The following OLFML2A variants were observed in gnomAD, a reference collection of about 807,000 sequenced individuals.
OLFML2A encodes olfactomedin like 2A.
Under a neutral mutation model 60.9 loss-of-function variants are expected in OLFML2A, and 47 were observed. The observed-to-expected ratio is 0.77, with a 90% confidence interval of 0.61 to 0.98. The LOEUF is 0.98. Ranked by LOEUF, OLFML2A falls within the 50% of genes least tolerant of loss-of-function variation. OLFML2A has a pLI of 0.00. For missense variants in OLFML2A, 922 were observed against 879.8 expected, an observed-to-expected ratio of 1.05 and a Z score of -0.61; for synonymous variants, 372 against 375.0, an observed-to-expected ratio of 0.99 and a Z score of 0.09.
Position 124,799,339 on chromosome 9 carries a change from C to T in OLFML2A, c.517C>T (p.His173Tyr), listed in dbSNP as rs761089961. The T allele has an allele frequency of 6.8e-6, 11 of 1,613,678 alleles. No individual in the cohort carries two copies. In the Admixed American group the frequency reaches 1.7e-4, roughly 24 times the overall value. ...TGAGGTGGTGAAGGACAGCGTGCGC[C>T]ACCTCAGTGAGCAGTTGAGGCACTA... ...ENEVVKDSVR[H>Y]LSEQLRHYEN... Residue 173 changes from histidine to tyrosine, a missense_variant, in exon 4 of 8, where the codon CAC (histidine) becomes TAC (tyrosine). Transcript: ENST00000373580.
chr9:124,807,806 C>G lies in OLFML2A; in HGVS notation c.1194C>G (p.Thr398=), dbSNP rs1268774381. The stretch of plus-strand genomic sequence containing the variant: ...GCAGAGAGGCGAGCTGTGAGGGCAC[C>G]CTCCGGGCTGTGGACCCCCCTGTGA... ...SQGREASCEG[T]LRAVDPPVRH... is the part of the protein sequence containing the mutation. Residue 398 remains threonine (T), a synonymous_variant, in exon 7 of 8, where the codon ACC becomes ACG. Transcript: ENST00000373580. 3 of 1,612,998 alleles carry G rather than the reference C, an allele frequency of 1.9e-6. No individual in the cohort carries two copies. In the Admixed American group the frequency reaches 5.0e-5, roughly 27 times the overall value.
chr9:124,807,850 G>T lies in OLFML2A; in HGVS notation c.1238G>T (p.Arg413Leu). Residue 413 changes from arginine to leucine, a missense_variant, in exon 7 of 8, where the codon CGC becomes CTC. Coordinates refer to ENST00000373580, the MANE Select transcript of OLFML2A (RefSeq NM_182487.4). ...CCTGTGAGGCACCACAGCTATGGGCGCCACGAGGGAGCCTGGATGAAGGAC... is the reference window on the plus strand; with the variant it reads ...CCTGTGAGGCACCACAGCTATGGGCTCCACGAGGGAGCCTGGATGAAGGAC... ...DPPVRHHSYGRHEGAWMKDPA... is the reference protein window; with the variant it reads ...DPPVRHHSYGLHEGAWMKDPA... 6.2e-7 allele frequency: 1 copy of T among 1,614,046 alleles called. No homozygotes were observed. The highest frequency in any genetic ancestry group is 1.1e-5 in the South Asian group (1 of 91,082).
Position 124,799,148 on chromosome 9 carries a change from T to C in OLFML2A, c.463-137T>C. On this transcript the variant is annotated intron_variant, in intron 3 of 7. Transcript: ENST00000373580. The stretch of plus-strand genomic sequence containing the variant: ...TCTTGGAGCCTATTTTTCCTGCTCA[T>C]GCTCACTGCGGCCGCCCCTAGCCCG... 6.5e-6 allele frequency: 4 copies of C among 615,898 alleles called. 1 individual carries two copies. The highest frequency in any genetic ancestry group is 3.0e-5 in the Admixed American group (1 of 33,774). 38.2% of individuals were successfully genotyped at this position (615,898 alleles called of 1,614,324 possible).
At position 124,814,510 on chromosome 9, in the gene OLFML2A, C is replaced by G. The variant is rs1842080782; in HGVS notation, c.*4098C>G. 6.6e-6 allele frequency: 1 copy of G among 152,208 alleles called. No homozygotes were observed. Among genetic ancestry groups the G allele is most frequent in the Admixed American group, 6.5e-5 (1 of 15,280 alleles). The allele number at this position is 152,208 out of a possible 1,614,324, so 9.4% of individuals were successfully genotyped here. On this transcript the variant is annotated 3_prime_UTR_variant, in exon 8 of 8. Coordinates refer to ENST00000373580, the MANE Select transcript of OLFML2A (RefSeq NM_182487.4). Reference sequence around the variant, plus strand: ...ATTCCTCCCCATTACAGGTGATGAGCCTCAAATTCAGAGAGCTTAAGCAAC... The same window carrying G: ...ATTCCTCCCCATTACAGGTGATGAGGCTCAAATTCAGAGAGCTTAAGCAAC...
chr9:124,778,360 C>CAAA lies in OLFML2A; in HGVS notation c.90+1009_90+1011dup, dbSNP rs988215469. Among the ~76,000 whole-genome samples, 91 of 115,770 alleles carry CAAA rather than the reference C, an allele frequency of 7.9e-4. 1 individual carries two copies. The highest frequency in any genetic ancestry group is 1.5e-3 in the Non-Finnish European group (80 of 55,022). The allele number at this position is 115,770 out of a possible 152,430, so 75.9% of individuals were successfully genotyped here. On this transcript the variant is annotated intron_variant, in intron 1 of 7. Coordinates refer to ENST00000373580, the MANE Select transcript of OLFML2A (RefSeq NM_182487.4). ...TGGGCGACAGAGCGAGACTCCGTGT[C>CAAA]AAAAAAAAAAAGAAAAAAAAAAAAT...
At chr9:124,802,655 G>A (rs767363728) in intron 5 of OLFML2A, among the ~76,000 whole-genome samples, 6 of 152,240 alleles carry the variant, frequency 3.9e-5, no homozygotes, top group Non-Finnish European at 7.3e-5. Context: ...CAGGCACCCT[G>A]CCCTGGCAGG....
intron 3 of OLFML2A, among the ~76,000 whole-genome samples, chr9:124,796,467 C>T (rs978334901): frequency 6.6e-6 from 1 of 152,202 alleles, no homozygotes; most frequent in African/African-American, 2.4e-5. Context: ...CTGGAACCAA[C>T]CAGAGATGGT....
chr9:124,808,024 C>T (rs1226558940), intron 7 of OLFML2A, 58 bp downstream of exon 7: 1 of 1,332,850 alleles, frequency 7.5e-7, no homozygotes, highest in Non-Finnish European at 1.1e-6. Flanking sequence ...GGGAGGGGTC[C>T]TCATGGGGAC....
At chr9:124,783,694 T>C (rs1199073460) in intron 1 of OLFML2A, among the ~76,000 whole-genome samples, 1 of 152,146 alleles carries the variant, frequency 6.6e-6, no homozygotes, top group African/African-American at 2.4e-5. Context: ...GTCTACAAAA[T>C]GCAGGCTCAT....
chr9:124,799,067 T>C (rs1409997343), intron 3 of OLFML2A, among the ~76,000 whole-genome samples: 3 of 152,208 alleles, frequency 2.0e-5, no homozygotes, highest in African/African-American at 7.2e-5. Flanking sequence ...ACATGTATTA[T>C]CTATTTTTTT....
chr9:124,807,777 A>G lies in OLFML2A; in HGVS notation c.1169-4A>G, dbSNP rs1841927095. 6.2e-7 allele frequency: 1 copy of G among 1,607,574 alleles called. No individual in the cohort carries two copies. The highest frequency in any genetic ancestry group is 8.5e-7 in the Non-Finnish European group (1 of 1,177,772). ...ACCGATGCTGCCTGCCCTCCTCCCCACAGGCAGAGAGGCGAGCTGTGAGGG... is the reference window on the plus strand; with the variant it reads ...ACCGATGCTGCCTGCCCTCCTCCCCGCAGGCAGAGAGGCGAGCTGTGAGGG... On this transcript the variant is annotated splice_region_variant and splice_polypyrimidine_tract_variant and intron_variant, in intron 6 of 7. Coordinates refer to ENST00000373580, the MANE Select transcript of OLFML2A (RefSeq NM_182487.4).
At chr9:124,778,766 C>A (rs1309800440) in intron 1 of OLFML2A, among the ~76,000 whole-genome samples, 1 of 151,566 alleles carries the variant, frequency 6.6e-6, no homozygotes, top group Non-Finnish European at 1.5e-5. Flanking sequence ...CAGTGCACTC[C>A]AACCTGGGGA....
chr9:124,810,400 C>T lies in OLFML2A; in HGVS notation c.1947C>T (p.His649=). ...DNGHQLTYTL[H]FVV ...GCCACCAGCTCACCTACACCCTCCA[C>T]TTCGTGGTCTGAGTGGAGACCTGTG... The change falls in exon 8 of 8, where the codon CAC becomes CAT. Residue 649 remains histidine (H), a synonymous_variant. Coordinates refer to ENST00000373580, the MANE Select transcript of OLFML2A (RefSeq NM_182487.4). 1 of 1,596,434 alleles carries T rather than the reference C, an allele frequency of 6.3e-7. No homozygotes were observed. Among genetic ancestry groups the T allele is most frequent in the African/African-American group, 1.3e-5 (1 of 74,996 alleles).
Position 124,795,091 on chromosome 9 carries a change from A to G in OLFML2A, c.422A>G (p.Tyr141Cys), listed in dbSNP as rs1329064942. Residue 141 changes from tyrosine (Y) to cysteine (C), a missense_variant, in exon 3 of 8, where the codon TAC (tyrosine) becomes TGC (cysteine). Tyr to Cys is a radical substitution (Grantham distance 194). Coordinates refer to ENST00000373580, the MANE Select transcript of OLFML2A (RefSeq NM_182487.4). ...YSMDLMKVHA[Y>C]VHKVASQMNT... is the part of the protein sequence containing the mutation. Reference sequence around the variant, plus strand: ...ATGGACTTGATGAAGGTGCACGCCTACGTCCACAAGGTGGCCTCCCAGATG... The same window carrying G: ...ATGGACTTGATGAAGGTGCACGCCTGCGTCCACAAGGTGGCCTCCCAGATG... The G allele has an allele frequency of 3.1e-6, 5 of 1,608,272 alleles. No homozygotes were observed. In the South Asian group the frequency reaches 3.3e-5, roughly 11 times the overall value.
intron 2 of OLFML2A, among the ~76,000 whole-genome samples, chr9:124,792,160 G>T (rs1206575125): frequency 6.6e-6 from 1 of 152,184 alleles, no homozygotes; most frequent in East Asian, 1.9e-4. Flanking sequence ...TAATGATCTG[G>T]TCAACTGTGT....
In OLFML2A at chr9:124,799,412, G is replaced by A. The variant is rs115504825; in HGVS notation, c.590G>A (p.Arg197His). Residue 197 changes from arginine (R) to histidine (H), a missense_variant, in exon 4 of 8, where the codon CGC becomes CAC. By Grantham distance (29) the Arg-to-His change is conservative. Transcript: ENST00000373580. ...IMLGIKKELS[R>H]LGLQLLQKDA... ...CTGGGCATCAAGAAGGAGCTGTCCC[G>A]CCTGGGCCTCCAGCTGCTGCAGAAG... is the stretch of plus-strand genomic sequence containing the variant. 981 of 1,613,600 alleles carry A rather than the reference G, an allele frequency of 6.1e-4. 7 individuals are homozygous for A. The African/African-American group carries it at 0.012, about 19-fold the overall frequency.
intron 1 of OLFML2A, among the ~76,000 whole-genome samples, chr9:124,782,494 G>T (rs1441128942): frequency 6.6e-6 from 1 of 152,218 alleles, no homozygotes. Flanking sequence ...ATGACAAAGG[G>T]ACTGTGATTC....
intron 7 of OLFML2A, 81 bp downstream of exon 7, chr9:124,808,047 G>T: frequency 9.3e-7 from 1 of 1,079,004 alleles, no homozygotes; most frequent in South Asian, 1.4e-5. Context: ...GGCCTTCCTT[G>T]CCTTGTGGGT....
intron 2 of OLFML2A, among the ~76,000 whole-genome samples, chr9:124,789,483 G>T (rs1367973019): frequency 1.3e-5 from 2 of 152,190 alleles, no homozygotes; most frequent in Admixed American, 1.3e-4. Context: ...GATAACACCT[G>T]CATGTATAAT....
Sources: gnomAD v4.1 joint callset for allele counts (sites outside exome capture counted in the v4.1 genomes callset) on GRCh38, gnomAD v4.1.1 for gene constraint, MANE v1.5 for transcripts, NCBI Gene and HGNC (gene_info 2026-07-23, HGNC 2026-07-21) for gene names.